POMT1: variants seen among roughly 807,000 people sequenced by gnomAD.
The protein encoded by POMT1 is protein O-mannosyltransferase 1.
In POMT1, 85 loss-of-function variants were observed where a neutral mutation model predicts 101.6. The observed-to-expected ratio is 0.84, with a 90% CI of 0.70 to 1.00. The LOEUF (loss-of-function observed/expected upper bound fraction) is 1.00, where lower values mean the gene tolerates loss of function less well. POMT1 is among the 50% of genes least tolerant of loss of function. The pLI, the probability that POMT1 is intolerant of heterozygous loss-of-function variation, is 0.00. For missense variants in POMT1, 857 were observed against 930.4 expected (o/e 0.92, Z 1.03); for synonymous variants, 371 against 383.0 (o/e 0.97, Z 0.37).
Position 131,503,164 on chromosome 9 carries a change from TG to T in POMT1, c.-31+95del. On this transcript the variant is annotated intron_variant, in intron 1 of 19. Transcript: ENST00000402686. The surrounding 1 kb of genome is among the most constrained non-coding windows in gnomAD (Gnocchi z 4.4). ...GCGGGTCCCTGGCTTGCGGACGGGC[TG>T]GGGCCGGGGGCGTCCCCGTCTTTCC... 1 of 152,374 alleles carries T rather than the reference TG, an allele frequency of 6.6e-6. No homozygotes were observed. Among genetic ancestry groups the T allele is most frequent in the Non-Finnish European group, 1.5e-5 (1 of 68,098 alleles). The allele number at this position is 152,374 out of a possible 1,614,324, so 9.4% of individuals were successfully genotyped here.
At chr9:131,521,953 A>G (rs920471189) in intron 18 of POMT1, 94 bp from the exon 19 acceptor site, 3 of 1,590,064 alleles carry the variant, frequency 1.9e-6, no homozygotes, top group African/African-American at 1.3e-5. Flanking sequence ...CCTGGGCAAC[A>G]TAGTAAGAAC....
chr9:131,515,014 C>T (rs545338288), intron 12 of POMT1, among the ~76,000 whole-genome samples: 1 of 152,346 alleles, frequency 6.6e-6, no homozygotes, highest in African/African-American at 2.4e-5. Flanking sequence ...TTTCTCCCAG[C>T]TTATCTGCTG....
rs761346672 is a variant in POMT1, at chr9:131,509,790, C to T, written c.587C>T (p.Ala196Val). The change falls in exon 7 of 20, where the codon GCT becomes GTT. Residue 196 changes from alanine (A) to valine (V), a missense_variant. By Grantham distance (64) the Ala-to-Val change is moderately conservative. Coordinates refer to ENST00000402686, the MANE Select transcript of POMT1 (RefSeq NM_001077365.2). ...TTCTGGCTAACACTGACAGGGGTCG[C>T]TTGTTCCTGTGCAGTGGGGTGAGTT... Reference protein sequence around the residue: ...WWFWLTLTGVACSCAVGIKYM... With the variant: ...WWFWLTLTGVVCSCAVGIKYM... 12 of 1,614,106 alleles carry T rather than the reference C, an allele frequency of 7.4e-6. No individual in the cohort carries two copies. The Admixed American group carries it at 2.0e-4, about 27-fold the overall frequency.
Position 131,522,540 on chromosome 9 carries a change from C to A in POMT1, c.2003+316C>A. On this transcript the variant is annotated intron_variant, in intron 19 of 19. Coordinates refer to ENST00000402686, the MANE Select transcript of POMT1 (RefSeq NM_001077365.2). The surrounding 1 kb of genome is among the most constrained non-coding windows in gnomAD (Gnocchi z 5.5). ...GCCCAGGAGCCTGGGGTGTCAGAAA[C>A]GGCAGCTGGTTATGGTCGGGTTGTG... The A allele has an allele frequency of 1.9e-6, 1 of 538,654 alleles. No homozygotes were observed. The highest frequency in any genetic ancestry group is 2.1e-5 in the South Asian group (1 of 47,788). 33.4% of individuals were successfully genotyped at this position (538,654 alleles called of 1,614,324 possible).
In POMT1 at chr9:131,523,487, G is replaced by A. The variant is rs57955153; in HGVS notation, c.*381G>A. ...GGGTGGAGTTTGATCTGGCAGACCCGATCCTCCTTCATGAACACCCAGCAA... is the reference window on the plus strand; with the variant it reads ...GGGTGGAGTTTGATCTGGCAGACCCAATCCTCCTTCATGAACACCCAGCAA... On this transcript the variant is annotated 3_prime_UTR_variant, in exon 20 of 20. Coordinates refer to ENST00000402686, the MANE Select transcript of POMT1 (RefSeq NM_001077365.2). 353 of 322,070 alleles carry A rather than the reference G, an allele frequency of 1.1e-3. No homozygotes were observed. Among genetic ancestry groups the A allele is most frequent in the Admixed American group, 2.1e-3 (49 of 23,638 alleles). 20.0% of individuals were successfully genotyped at this position (322,070 alleles called of 1,614,324 possible).
rs119462984 is a variant in POMT1 at position 131,520,175 on chromosome 9, G to C, written c.1680G>C (p.Trp560Cys). Residue 560 changes from tryptophan to cysteine, a missense_variant, in exon 17 of 20, where the codon TGG becomes TGC. Coordinates refer to ENST00000402686, the MANE Select transcript of POMT1 (RefSeq NM_001077365.2). ...WVTLDTNIAY[W>C]LHPRTSAQIH... is the part of the protein sequence containing the mutation. ...CCCTGGACACCAATATTGCCTACTG[G>C]CTGCACCCCAGGACCAGCGTAAGCG... The C allele has an allele frequency of 6.2e-7, 1 of 1,613,610 alleles. No homozygotes were observed. Among genetic ancestry groups the C allele is most frequent in the Non-Finnish European group, 8.5e-7 (1 of 1,179,938 alleles).
Position 131,507,532 on chromosome 9 carries a change from G to T in POMT1, c.427+18G>T. On this transcript the variant is annotated intron_variant, in intron 5 of 19. Transcript: ENST00000402686. ...GCTTATCGGTAAGACCTGCGCCCCT[G>T]CCTGCTCTTGCTGTCATGCAGGGAA... The T allele has an allele frequency of 6.2e-7, 1 of 1,613,728 alleles. No individual in the cohort carries two copies.
chr9:131,512,001 G>A (rs768962427), intron 10 of POMT1, 40 bp from the exon 11 acceptor site: 46 of 1,610,370 alleles, frequency 2.9e-5, no homozygotes, highest in Middle Eastern at 1.6e-4. Flanking sequence ...CTGAGCCACC[G>A]CGCCTGGCCC....
rs190564654 is a variant in POMT1 at position 131,520,032 on chromosome 9, G to T, written c.1585-48G>T. The T allele has an allele frequency of 1.2e-4, 184 of 1,480,514 alleles. 1 individual carries two copies. Among genetic ancestry groups the T allele is most frequent in the South Asian group, 2.7e-4 (24 of 87,910 alleles). The allele number at this position is 1,480,514 out of a possible 1,614,324, so 91.7% of individuals were successfully genotyped here. A position where few individuals can be genotyped will look rare whatever the true frequency, so the allele number is the denominator to read the frequency against. ...TCCTTTGACCAAATCCACGCACAGC[G>T]GGAGGCATCCCCCATCCTCAATCTC... On this transcript the variant is annotated intron_variant, in intron 16 of 19. Transcript: ENST00000402686.
In POMT1 at chr9:131,503,532, G is replaced by A. The variant is rs1945040795; in HGVS notation, c.-31+459G>A. On this transcript the variant is annotated intron_variant, in intron 1 of 19. Coordinates refer to ENST00000402686, the MANE Select transcript of POMT1 (RefSeq NM_001077365.2). This position sits in a 1 kb window ranked among gnomAD's most constrained non-coding sequence, Gnocchi z 4.4. ...TAGATGGGGCCTGAGGAGACCAGCG[G>A]GGCGCCAACGGCCAGATGCGGCTTT... Among the ~76,000 whole-genome samples the A allele has an allele frequency of 6.6e-6, 1 of 152,238 alleles. No homozygotes were observed. The highest frequency in any genetic ancestry group is 1.5e-5 in the Non-Finnish European group (1 of 68,034).
chr9:131,521,474 T>TTAGTA lies in POMT1; in HGVS notation c.1825+3_1825+7dup. The TTAGTA allele has an allele frequency of 6.2e-7, 1 of 1,613,786 alleles. No individual in the cohort carries two copies. The highest frequency in any genetic ancestry group is 8.5e-7 in the Non-Finnish European group (1 of 1,179,828). ...GAAATGTCCATGACCTCCCTCAGGGTTAGTACCTCTCCCACATGGCTTTCT... is the reference window on the plus strand; with the variant it reads ...GAAATGTCCATGACCTCCCTCAGGGTTAGTATAGTACCTCTCCCACATGGCTTTCT... On this transcript the variant is annotated splice_region_variant and intron_variant, in intron 18 of 19. Coordinates refer to ENST00000402686, the MANE Select transcript of POMT1 (RefSeq NM_001077365.2).
chr9:131,519,952 A>G lies in POMT1; in HGVS notation c.1585-128A>G, dbSNP rs1316120134. The stretch of plus-strand genomic sequence containing the variant: ...GTTCTCATCATGCTGCCTCCGATGC[A>G]TGATCCGAATGAACTTGAGCTGGGC... On this transcript the variant is annotated intron_variant, in intron 16 of 19. Transcript: ENST00000402686. This position sits in a 1 kb window ranked among gnomAD's most constrained non-coding sequence, Gnocchi z 4.3. 1 of 746,406 alleles carries G rather than the reference A, an allele frequency of 1.3e-6. No homozygotes were observed. The highest frequency in any genetic ancestry group is 2.7e-5 in the East Asian group (1 of 37,302). The allele number at this position is 746,406 out of a possible 1,614,324, so 46.2% of individuals were successfully genotyped here. A position where few individuals can be genotyped will look rare whatever the true frequency, so the allele number is the denominator to read the frequency against.
chr9:131,520,537 T>C (rs1949711461), intron 17 of POMT1, among the ~76,000 whole-genome samples: 1 of 152,142 alleles, frequency 6.6e-6, no homozygotes, highest in African/African-American at 2.4e-5. Flanking sequence ...GCGTGCCGTC[T>C]CTCCACCCGG....
Position 131,523,514 on chromosome 9 carries a change from C to G in POMT1, c.*408C>G. Reference sequence around the variant, plus strand: ...TCCTCCTTCATGAACACCCAGCAACCTGAGCAAGTCCCGGCCCTGCCCTCA... The same window carrying G: ...TCCTCCTTCATGAACACCCAGCAACGTGAGCAAGTCCCGGCCCTGCCCTCA... On this transcript the variant is annotated 3_prime_UTR_variant, in exon 20 of 20. Coordinates refer to ENST00000402686, the MANE Select transcript of POMT1 (RefSeq NM_001077365.2). The G allele has an allele frequency of 3.2e-6, 1 of 310,656 alleles. No individual in the cohort carries two copies. The highest frequency in any genetic ancestry group is 6.3e-6 in the Non-Finnish European group (1 of 158,984). The allele number at this position is 310,656 out of a possible 1,614,324, so 19.2% of individuals were successfully genotyped here.
rs989891507 is a variant in POMT1 at position 131,522,840 on chromosome 9, G to T, written c.2004-92G>T. The T allele has an allele frequency of 7.5e-7, 1 of 1,338,370 alleles. No homozygotes were observed. Among genetic ancestry groups the T allele is most frequent in the Non-Finnish European group, 1.0e-6 (1 of 968,900 alleles). 82.9% of individuals were successfully genotyped at this position (1,338,370 alleles called of 1,614,324 possible). A position where few individuals can be genotyped will look rare whatever the true frequency, so the allele number is the denominator to read the frequency against. ...AAGGCAGAACCCCAGGCCTCGGGGG[G>T]TGACCGTGTGGACAGCAGATGCCAA... is the stretch of plus-strand genomic sequence containing the variant. On this transcript the variant is annotated intron_variant, in intron 19 of 19. Transcript: ENST00000402686. This position sits in a 1 kb window ranked among gnomAD's most constrained non-coding sequence, Gnocchi z 5.5.
Position 131,511,363 on chromosome 9 carries a change from T to C in POMT1, c.882T>C (p.Gly294=). 6.2e-7 allele frequency: 1 copy of C among 1,613,878 alleles called. No homozygotes were observed. Among genetic ancestry groups the C allele is most frequent in the Non-Finnish European group, 8.5e-7 (1 of 1,179,792 alleles). Residue 294 remains glycine, a synonymous_variant, in exon 10 of 20, where the codon GGT becomes GGC. Transcript: ENST00000402686. ...LEGGLARITQ[G]QPLEVAFGSQ... is the part of the protein sequence containing the mutation. The stretch of plus-strand genomic sequence containing the variant: ...GAGGACTAGCTCGGATCACTCAGGG[T>C]CAGCCACTGGAGGTGGCCTTTGGGT...
In POMT1 at chr9:131,507,256, C is replaced by T. The variant is rs879247393; in HGVS notation, c.281-112C>T. ...CTGATGGGGTCCCCAGTTTTGTAAA[C>T]GTGCATTTTAGAGTCTGTGAACATG... On this transcript the variant is annotated intron_variant, in intron 4 of 19. Transcript: ENST00000402686. 127 of 1,536,078 alleles carry T rather than the reference C, an allele frequency of 8.3e-5. 2 individuals are homozygous for T. Among genetic ancestry groups the T allele is most frequent in the South Asian group, 7.9e-4 (70 of 89,080 alleles).
At chr9:131,509,312 G>C (rs540884741) in intron 6 of POMT1, among the ~76,000 whole-genome samples, 2 of 152,188 alleles carry the variant, frequency 1.3e-5, no homozygotes, top group African/African-American at 4.8e-5. Flanking sequence ...CACCATGTCT[G>C]GCTAATTTTA....
chr9:131,520,027 A>G (rs1949594728), intron 16 of POMT1, 53 bp from the exon 17 acceptor site: 14 of 1,455,886 alleles, frequency 9.6e-6, no homozygotes, highest in Non-Finnish European at 1.3e-5. Context: ...AAATCCACGC[A>G]CAGCGGGAGG....
Sources: allele counts gnomAD v4.1 joint callset (sites outside exome capture counted in the v4.1 genomes callset), GRCh38; gene constraint gnomAD v4.1.1; non-coding constraint Gnocchi (gnomAD v3.1); transcripts MANE v1.5; gene names NCBI Gene and HGNC (gene_info 2026-07-23, HGNC 2026-07-21).